The following TRAPPC8 variants were observed in gnomAD, a reference collection of about 807,000 sequenced individuals.
TRAPPC8 encodes the protein general sporulation gene 1 homolog.
A neutral mutation model predicts 174.3 loss-of-function variants in TRAPPC8; 54 were observed. That is an observed-to-expected ratio of 0.31 (90% CI 0.25 to 0.39). The LOEUF (loss-of-function observed/expected upper bound fraction) is 0.39. Ranked by LOEUF, TRAPPC8 falls within the 10% of genes least tolerant of loss-of-function variation. The pLI, the probability that TRAPPC8 is intolerant of heterozygous loss-of-function variation, is 1.00. For missense variants in TRAPPC8, 1,531 were observed against 1,699.1 expected, an observed-to-expected ratio of 0.90 and a Z score of 1.74; for synonymous variants, 630 against 579.9, an observed-to-expected ratio of 1.09 and a Z score of -1.24.
At chr18:31,908,246 A>T (rs1241219090) in intron 8 of TRAPPC8, 57 bp downstream of exon 8, 1 of 1,053,684 alleles carries the variant, frequency 9.5e-7, no homozygotes, top group Non-Finnish European at 1.4e-6. Context: ...ATATACAATC[A>T]AACACTAGTC....
At chr18:31,882,973 C>A (rs768785131) in intron 12 of TRAPPC8, among the ~76,000 whole-genome samples, 17 of 148,584 alleles carry the variant, frequency 1.1e-4, no homozygotes, top group Non-Finnish European at 1.8e-4. Flanking sequence ...ACCTGTAATC[C>A]CAGTACTTTG....
intron 2 of TRAPPC8, among the ~76,000 whole-genome samples, chr18:31,926,210 G>T (rs2145598663): frequency 6.6e-6 from 1 of 152,184 alleles, no homozygotes; most frequent in South Asian, 2.1e-4. Context: ...ATTGTATTGT[G>T]TATCTATTTA....
At chr18:31,920,786 CA>C (rs1200173464) in intron 2 of TRAPPC8, among the ~76,000 whole-genome samples, 10 of 151,780 alleles carry the variant, frequency 6.6e-5, no homozygotes, top group African/African-American at 1.4e-4. Flanking sequence ...ACTAAAAATG[CA>C]AAAATTAGCT....
At chr18:31,872,586 GT>G (rs1354593690) in intron 14 of TRAPPC8, among the ~76,000 whole-genome samples, 1 of 151,646 alleles carries the variant, frequency 6.6e-6, no homozygotes, top group Non-Finnish European at 1.5e-5. Context: ...CGCCCAGCTA[GT>G]TTTTTGTATT....
chr18:31,867,078 C>A, intron 17 of TRAPPC8, 103 bp from the exon 18 acceptor site: 6 of 1,234,990 alleles, frequency 4.9e-6, no homozygotes, highest in Non-Finnish European at 6.6e-6. Flanking sequence ...ATGACCTAAA[C>A]TTTTAAAATG....
At chr18:31,914,651 G>A (rs1280525480) in intron 4 of TRAPPC8, among the ~76,000 whole-genome samples, 4 of 152,146 alleles carry the variant, frequency 2.6e-5, no homozygotes, top group Admixed American at 2.0e-4. Context: ...TCCATGCTCA[G>A]GACAAGGCGG....
rs372018034 is a variant in TRAPPC8 at position 31,887,502 on chromosome 18, CG to C, written c.1728+3232del. On this transcript the variant is annotated intron_variant, in intron 12 of 28. Coordinates refer to ENST00000283351, the MANE Select transcript of TRAPPC8 (RefSeq NM_014939.5). ...TCTACTAAAAATACAAAAAATTACC[CG>C]GGTGTGATGGCAGGTGCCTGTAACC... 7.6e-3 allele frequency among the ~76,000 whole-genome samples: 1,159 copies of C among 152,040 alleles called. 19 individuals are homozygous for C. Among genetic ancestry groups the C allele is most frequent in the African/African-American group, 0.026 (1,096 of 41,488 alleles).
chr18:31,940,635 A>T (rs2038291990), intron 1 of TRAPPC8, among the ~76,000 whole-genome samples: 1 of 151,934 alleles, frequency 6.6e-6, no homozygotes, highest in East Asian at 2.0e-4. Context: ...AGTAGCTGGG[A>T]CTACAGGCGC....
intron 2 of TRAPPC8, among the ~76,000 whole-genome samples, chr18:31,924,605 A>G (rs2037532989): frequency 6.6e-6 from 1 of 150,958 alleles, no homozygotes; most frequent in Non-Finnish European, 1.5e-5. Flanking sequence ...CACTAAATAT[A>G]CAACTAATAA....
intron 21 of TRAPPC8, 106 bp downstream of exon 21, chr18:31,855,554 T>C (rs1453471857): frequency 1.1e-6 from 1 of 920,310 alleles, no homozygotes; most frequent in African/African-American, 1.7e-5. Context: ...ATTCCTAAAA[T>C]CCCTAGCTTA....
chr18:31,911,216 A>G (rs924176872), intron 5 of TRAPPC8, among the ~76,000 whole-genome samples: 1 of 152,176 alleles, frequency 6.6e-6, no homozygotes, highest in South Asian at 2.1e-4. Context: ...TATATTTTCC[A>G]TTTACTTAAG....
chr18:31,852,420 A>T (rs767824125), intron 24 of TRAPPC8, 26 bp downstream of exon 24: 3 of 1,612,588 alleles, frequency 1.9e-6, no homozygotes, highest in Non-Finnish European at 2.5e-6. Flanking sequence ...ACTTAACATC[A>T]AACACTACTA....
At chr18:31,831,421 TTAA>T (rs1362944996) in intron 28 of TRAPPC8, among the ~76,000 whole-genome samples, 2 of 152,222 alleles carry the variant, frequency 1.3e-5, no homozygotes, top group South Asian at 2.1e-4. Context: ...CAACTGTTTA[TTAA>T]TAATAGCAAC....
rs1449405401 is a variant in TRAPPC8, at chr18:31,942,804, C to T, written c.-40G>A. The T allele has an allele frequency of 2.8e-5, 37 of 1,343,896 alleles. No homozygotes were observed. The highest frequency in any genetic ancestry group is 3.4e-5 in the Non-Finnish European group (35 of 1,039,550). 83.2% of individuals were successfully genotyped at this position (1,343,896 alleles called of 1,614,324 possible). A position where few individuals can be genotyped will look rare whatever the true frequency, so the allele number is the denominator to read the frequency against. On this transcript the variant is annotated 5_prime_UTR_variant, in exon 1 of 29. Coordinates refer to ENST00000283351, the MANE Select transcript of TRAPPC8 (RefSeq NM_014939.5). ...CAGCGGCGGCGCCCGCCCTCCGGCCCACCCTGCGAGGTTATCCTGCGGCTG... is the reference window on the plus strand; with the variant it reads ...CAGCGGCGGCGCCCGCCCTCCGGCCTACCCTGCGAGGTTATCCTGCGGCTG...
intron 24 of TRAPPC8, among the ~76,000 whole-genome samples, chr18:31,852,108 G>C (rs2033735954): frequency 6.6e-6 from 1 of 152,218 alleles, no homozygotes; most frequent in South Asian, 2.1e-4. Context: ...GGGAGGTTGA[G>C]GCAGGCAGAT....
intron 2 of TRAPPC8, 43 bp from the exon 3 acceptor site, chr18:31,917,710 A>C (rs746393693): frequency 4.9e-5 from 77 of 1,557,866 alleles, no homozygotes; most frequent in Middle Eastern, 3.3e-4. Context: ...TATTCAATAG[A>C]ATCAGTTTAC....
chr18:31,855,902 T>A (rs544324569), intron 20 of TRAPPC8, 95 bp from the exon 21 acceptor site: 1 of 1,321,448 alleles, frequency 7.6e-7, no homozygotes, highest in South Asian at 1.5e-5. Flanking sequence ...AACTGATCAC[T>A]CTCAGGACCA....
At chr18:31,898,009 T>A (rs1598699540) in intron 10 of TRAPPC8, 118 bp from the exon 11 acceptor site, 1 of 742,964 alleles carries the variant, frequency 1.3e-6, no homozygotes, top group East Asian at 2.9e-5. Context: ...GGGAGATGGT[T>A]CCAGGACCCT....
At chr18:31,905,501 G>C (rs1386872910) in intron 9 of TRAPPC8, among the ~76,000 whole-genome samples, 1 of 152,048 alleles carries the variant, frequency 6.6e-6, no homozygotes, top group Admixed American at 6.5e-5. Context: ...TCCATCGGTT[G>C]GGAACTCTTC....
Sources: gnomAD v4.1 joint callset for allele counts (sites outside exome capture counted in the v4.1 genomes callset) on GRCh38, gnomAD v4.1.1 for gene constraint, MANE v1.5 for transcripts, NCBI Gene and HGNC (gene_info 2026-07-23, HGNC 2026-07-21) for gene names.